Variants in QTMAN observed in about 807,000 individuals in gnomAD.
QTMAN encodes the protein queuosine-tRNA mannosyltransferase.
At chr2:143,960,402 A>T in the QTMAN span, among the ~76,000 whole-genome samples, 2 of 152,128 alleles carry the variant, frequency 1.3e-5, no homozygotes, top group African/African-American at 4.8e-5. Context: ...TTCAGGGAAC[A>T]CTGACTAATC....
chr2:144,332,583 G>A, the QTMAN span: 3 of 149,446 alleles, frequency 2.0e-5, no homozygotes, highest in Admixed American at 6.7e-5. Context: ...CTCCGGGCGC[G>A]TCAGGCGCTG....
the QTMAN span, among the ~76,000 whole-genome samples, chr2:144,299,500 T>C: frequency 1.3e-5 from 2 of 152,206 alleles, no homozygotes; most frequent in Non-Finnish European, 2.9e-5. Flanking sequence ...TGGAAACCTG[T>C]TGTGAAGGCT....
chr2:144,150,655 G>A, the QTMAN span, among the ~76,000 whole-genome samples: 16 of 151,864 alleles, frequency 1.1e-4, no homozygotes, highest in Non-Finnish European at 2.1e-4. Flanking sequence ...CCCTTGACCC[G>A]CTTGTGATAA....
the QTMAN span, among the ~76,000 whole-genome samples, chr2:143,991,297 T>C: frequency 1.3e-5 from 2 of 152,024 alleles, no homozygotes; most frequent in East Asian, 1.9e-4. Flanking sequence ...TTCTAAACAT[T>C]ATCACAGTGA....
At chr2:144,151,747 G>A in the QTMAN span, among the ~76,000 whole-genome samples, 1 of 152,100 alleles carries the variant, frequency 6.6e-6, no homozygotes, top group African/African-American at 2.4e-5. Context: ...AAAGTCTTTG[G>A]TTTCAACATA....
chr2:144,040,064 G>A, the QTMAN span, among the ~76,000 whole-genome samples: 2 of 152,264 alleles, frequency 1.3e-5, no homozygotes, highest in East Asian at 3.9e-4. Context: ...TGCAAGTAAT[G>A]TGCCCCTTTG....
At chr2:144,043,534 T>A in the QTMAN span, among the ~76,000 whole-genome samples, 1 of 151,548 alleles carries the variant, frequency 6.6e-6, no homozygotes, top group African/African-American at 2.4e-5. Flanking sequence ...CTAGGGAGGC[T>A]GAGGCAGAGA....
At chr2:144,046,081 A>G in the QTMAN span, among the ~76,000 whole-genome samples, 14 of 152,344 alleles carry the variant, frequency 9.2e-5, no homozygotes, top group African/African-American at 3.4e-4. Flanking sequence ...CTAGAGTTAC[A>G]TAAGGAGAAT....
the QTMAN span, chr2:144,237,144 GACAA>G: frequency 6.6e-6 from 1 of 152,176 alleles, no homozygotes; most frequent in South Asian, 2.1e-4. Flanking sequence ...GATGCAGGGT[GACAA>G]ACAAGTATAT....
the QTMAN span, among the ~76,000 whole-genome samples, chr2:143,955,920 T>C: frequency 1.3e-5 from 2 of 152,312 alleles, no homozygotes; most frequent in African/African-American, 2.4e-5. Flanking sequence ...ACATTAAGGA[T>C]TGCAAAACAC....
chr2:144,044,451 C>A, the QTMAN span, among the ~76,000 whole-genome samples: 1 of 152,076 alleles, frequency 6.6e-6, no homozygotes, highest in Non-Finnish European at 1.5e-5. Context: ...GAGGGCCATG[C>A]TTCCCCACAT....
At chr2:144,156,539 C>CTGTTTGTG in the QTMAN span, among the ~76,000 whole-genome samples, 1 of 151,986 alleles carries the variant, frequency 6.6e-6, no homozygotes, top group Non-Finnish European at 1.5e-5. Flanking sequence ...TTGCTAAATC[C>CTGTTTGTG]TGTGTGTGAG....
At chr2:144,203,891 G>A in the QTMAN span, among the ~76,000 whole-genome samples, 5 of 152,186 alleles carry the variant, frequency 3.3e-5, no homozygotes, top group African/African-American at 1.2e-4. Flanking sequence ...AACAAGAAAT[G>A]GGGAAAGGAT....
the QTMAN span, among the ~76,000 whole-genome samples, chr2:144,161,237 C>T: frequency 6.6e-6 from 1 of 152,088 alleles, no homozygotes; most frequent in Non-Finnish European, 1.5e-5. Flanking sequence ...GATTATGACT[C>T]ATATCATCAG....
At chr2:143,979,025 T>G in the QTMAN span, among the ~76,000 whole-genome samples, 1 of 152,154 alleles carries the variant, frequency 6.6e-6, no homozygotes, top group Non-Finnish European at 1.5e-5. Flanking sequence ...ACCTCTTGGA[T>G]AGAAAGATGT....
chr2:144,170,900 C>T, the QTMAN span, among the ~76,000 whole-genome samples: 1 of 152,034 alleles, frequency 6.6e-6, no homozygotes, highest in African/African-American at 2.4e-5. Context: ...CAAAAGTTTC[C>T]ATGACTTCAA....
At chr2:144,330,047 C>G in the QTMAN span, among the ~76,000 whole-genome samples, 2 of 152,206 alleles carry the variant, frequency 1.3e-5, no homozygotes, top group Non-Finnish European at 2.9e-5. Context: ...GCAAGAACTT[C>G]AGGACTCATG....
the QTMAN span, among the ~76,000 whole-genome samples, chr2:144,047,342 C>T: frequency 6.6e-6 from 1 of 152,154 alleles, no homozygotes; most frequent in Non-Finnish European, 1.5e-5. Flanking sequence ...CCCAAACTAA[C>T]TTTCTTGGTA....
chr2:144,244,985 C>T, the QTMAN span, among the ~76,000 whole-genome samples: 3 of 152,300 alleles, frequency 2.0e-5, no homozygotes, highest in East Asian at 5.8e-4. Flanking sequence ...TGATCTCAGA[C>T]AAGAAATGTA....
Sources: gnomAD v4.1 joint callset for allele counts (sites outside exome capture counted in the v4.1 genomes callset) on GRCh38, gnomAD v4.1.1 for gene constraint, MANE v1.5 for transcripts, NCBI Gene and HGNC (gene_info 2026-07-23, HGNC 2026-07-21) for gene names.